Variants in SUGP1 observed in about 807,000 individuals in gnomAD.
The protein encoded by SUGP1 is SURP and G-patch domain containing 1.
A neutral mutation model predicts 76.5 loss-of-function variants in SUGP1; 34 were observed. The observed-to-expected ratio is 0.44, with a 90% CI of 0.34 to 0.59. SUGP1 has a LOEUF of 0.59. SUGP1 is among the 20% of genes least tolerant of loss of function. SUGP1 has a pLI of 0.01. For missense variants in SUGP1, 752 were observed against 851.7 expected (o/e 0.88, Z 1.46); for synonymous variants, 326 against 326.2 (o/e 1.00, Z 0.01).
At chr19:19,312,376 C>T (rs1199586733) in intron 2 of SUGP1, among the ~76,000 whole-genome samples, 2 of 152,178 alleles carry the variant, frequency 1.3e-5, no homozygotes, top group Non-Finnish European at 2.9e-5. Context: ...GATCACAGCA[C>T]ACACTCTACT....
intron 4 of SUGP1, among the ~76,000 whole-genome samples, chr19:19,304,308 C>T (rs867276926): frequency 2.0e-5 from 3 of 152,092 alleles, no homozygotes; most frequent in South Asian, 4.2e-4. Flanking sequence ...GCTCTGCGGC[C>T]GGTGGAACCT....
intron 2 of SUGP1, among the ~76,000 whole-genome samples, chr19:19,311,726 C>CAAAA (rs55707664): frequency 2.2e-4 from 17 of 77,132 alleles, no homozygotes; most frequent in East Asian, 3.8e-4. Flanking sequence ...GACTCTGTCT[C>CAAAA]AAAAAAAAAA....
intron 8 of SUGP1, among the ~76,000 whole-genome samples, chr19:19,282,048 T>C (rs2061102818): frequency 6.6e-6 from 1 of 152,142 alleles, no homozygotes. Flanking sequence ...GGTGCGATCT[T>C]GGCTCACTGC....
Position 19,308,455 on chromosome 19 carries a change from G to A in SUGP1, c.310+1642C>T, listed in dbSNP as rs995405105. ...TTCAGTGAGAGCACAGACGTGGTCT[G>A]CTTGCACGGAGCAAGGGACATGGCA... On this transcript the variant is annotated intron_variant, in intron 3 of 13. Transcript: ENST00000247001. Among the ~76,000 whole-genome samples the A allele has an allele frequency of 5.2e-5, 8 of 152,394 alleles. No individual in the cohort carries two copies. The South Asian group carries it at 1.4e-3, about 28-fold the overall frequency.
intron 2 of SUGP1, among the ~76,000 whole-genome samples, chr19:19,311,804 C>CTA (rs2061355327): frequency 6.6e-6 from 1 of 151,492 alleles, no homozygotes; most frequent in Non-Finnish European, 1.5e-5. Context: ...AGCTGCAGGC[C>CTA]CACATGGGTA....
intron 1 of SUGP1, among the ~76,000 whole-genome samples, chr19:19,319,164 G>A (rs912919794): frequency 3.3e-5 from 5 of 152,164 alleles, no homozygotes; most frequent in Non-Finnish European, 4.4e-5. Context: ...AGAGGTTGCA[G>A]TCAGCCGACA....
intron 12 of SUGP1, 136 bp downstream of exon 12, chr19:19,277,598 G>A (rs959989106): frequency 1.7e-6 from 2 of 1,185,726 alleles, no homozygotes; most frequent in African/African-American, 1.5e-5. Flanking sequence ...TGCCTGACAA[G>A]GGGTGTGCAG....
intron 1 of SUGP1, among the ~76,000 whole-genome samples, chr19:19,319,706 CAAAAAAAAAAAAA>C (rs570232030): frequency 5.8e-5 from 4 of 69,310 alleles, no homozygotes; most frequent in Admixed American, 1.8e-4. Context: ...GACCCTGTCT[CAAAAAAAAAAAAA>C]AAAAAAAAAA....
chr19:19,303,300 T>C (rs1259915793), intron 6 of SUGP1, 48 bp downstream of exon 6: 1 of 1,521,584 alleles, frequency 6.6e-7, no homozygotes, highest in East Asian at 2.3e-5. Flanking sequence ...TGGGGCACGG[T>C]ATGTCCACAG....
intron 9 of SUGP1, 64 bp downstream of exon 9, chr19:19,280,121 G>A (rs2061086303): frequency 8.8e-6 from 13 of 1,480,010 alleles, no homozygotes; most frequent in Non-Finnish European, 1.2e-5. Flanking sequence ...CTGCACCCGG[G>A]GGTAGAGGAC....
chr19:19,316,102 A>T, intron 2 of SUGP1: 1 of 233,884 alleles, frequency 4.3e-6, no homozygotes, highest in Non-Finnish European at 8.2e-6. Context: ...CAAAGGGCTG[A>T]GATTACAGGT....
At chr19:19,296,240 C>G (rs1467953530) in intron 8 of SUGP1, among the ~76,000 whole-genome samples, 2 of 152,062 alleles carry the variant, frequency 1.3e-5, no homozygotes, top group Non-Finnish European at 2.9e-5. Context: ...AATGGTGCAC[C>G]TGCAGGTTCC....
chr19:19,307,478 A>T (rs796820680), intron 3 of SUGP1, among the ~76,000 whole-genome samples: 11 of 152,254 alleles, frequency 7.2e-5, no homozygotes, highest in African/African-American at 2.6e-4. Context: ...GTCGAGTAAG[A>T]GAAAAAAGCT....
At chr19:19,308,114 C>T (rs770141887) in intron 3 of SUGP1, among the ~76,000 whole-genome samples, 2 of 152,116 alleles carry the variant, frequency 1.3e-5, no homozygotes, top group South Asian at 2.1e-4. Flanking sequence ...CTGCTACCTC[C>T]GCCTCCCAGG....
intron 11 of SUGP1, among the ~76,000 whole-genome samples, chr19:19,278,465 C>G (rs1000131551): frequency 6.6e-6 from 1 of 152,180 alleles, no homozygotes; most frequent in Non-Finnish European, 1.5e-5. Context: ...CAAAATTTCC[C>G]CCGCAGCCCC....
chr19:19,292,356 T>G (rs1318480035), intron 8 of SUGP1, among the ~76,000 whole-genome samples: 3 of 151,128 alleles, frequency 2.0e-5, no homozygotes, highest in Admixed American at 2.0e-4. Context: ...CTAAACTTAC[T>G]CTATGGGGCT....
chr19:19,313,151 C>A (rs1411628601), intron 2 of SUGP1, among the ~76,000 whole-genome samples: 1 of 151,806 alleles, frequency 6.6e-6, no homozygotes, highest in Admixed American at 6.6e-5. Flanking sequence ...CCCAGCACTT[C>A]GGTAGGCCAA....
chr19:19,316,292 G>A (rs1323131678), intron 2 of SUGP1, 130 bp downstream of exon 2: 4 of 1,192,720 alleles, frequency 3.4e-6, no homozygotes, highest in Non-Finnish European at 4.6e-6. Flanking sequence ...GGGCATCTGG[G>A]TCATTCCTTG....
chr19:19,298,341 T>C (rs1011865961), intron 7 of SUGP1, among the ~76,000 whole-genome samples: 5 of 151,770 alleles, frequency 3.3e-5, no homozygotes, highest in African/African-American at 1.2e-4. Flanking sequence ...GTACTAAAAA[T>C]AAAAAAATTA....
Sources: allele counts gnomAD v4.1 joint callset (sites outside exome capture counted in the v4.1 genomes callset), GRCh38; gene constraint gnomAD v4.1.1; transcripts MANE v1.5; gene names NCBI Gene and HGNC (gene_info 2026-07-23, HGNC 2026-07-21).